RALGAPB: variants seen among roughly 807,000 people sequenced by gnomAD.
RALGAPB encodes Ral GTPase activating protein non-catalytic subunit beta, also known as ral GTPase-activating protein subunit beta.
RALGAPB carries 25 observed loss-of-function variants against 161.1 expected under a neutral mutation model. The observed-to-expected ratio is 0.16, with a 90% confidence interval of 0.11 to 0.22. The LOEUF (loss-of-function observed/expected upper bound fraction) is 0.22, where lower values mean the gene tolerates loss of function less well. Ranked by LOEUF, RALGAPB falls within the 10% of genes least tolerant of loss-of-function variation. The pLI is 1.00. For missense variants in RALGAPB, 1,391 were observed against 1,815.2 expected (o/e 0.77, Z 4.25); for synonymous variants, 629 against 626.1 (o/e 1.00, Z -0.07).
intron 18 of RALGAPB, among the ~76,000 whole-genome samples, chr20:38,545,834 G>A (rs1033155257): frequency 5.3e-5 from 8 of 152,136 alleles, no homozygotes; most frequent in African/African-American, 1.2e-4. Flanking sequence ...TTCTAAAATG[G>A]GATAGAGACG....
At chr20:38,548,600 G>A (rs2087254390) in intron 19 of RALGAPB, 89 bp from the exon 20 acceptor site, 2 of 1,040,662 alleles carry the variant, frequency 1.9e-6, no homozygotes, top group Admixed American at 4.4e-5. Flanking sequence ...TTGGGCCTTT[G>A]ATTATGAGAA....
chr20:38,517,640 A>T lies in RALGAPB; in HGVS notation c.1186A>T (p.Met396Leu). The T allele has an allele frequency of 6.2e-7, 1 of 1,613,986 alleles. No individual in the cohort carries two copies. The highest frequency in any genetic ancestry group is 8.5e-7 in the Non-Finnish European group (1 of 1,179,988). Residue 396 changes from methionine to leucine, a missense_variant, in exon 8 of 30, where the codon ATG (methionine) becomes TTG (leucine). Coordinates refer to ENST00000262879, the MANE Select transcript of RALGAPB (RefSeq NM_020336.4). ...GGCTGTTACTGTGAATAAGGCCACC[A>T]TGAAGACAAGCACAGTAAGAGTTTA... ...HRAVTVNKAT[M>L]KTSTVSTAHA...
At position 38,473,051 on chromosome 20, in the gene RALGAPB, G is replaced by A. The variant is rs1019468607; in HGVS notation, c.-49G>A. 1.7e-4 allele frequency: 64 copies of A among 378,062 alleles called. No homozygotes were observed. The highest frequency in any genetic ancestry group is 6.7e-4 in the Middle Eastern group (1 of 1,484). 23.4% of individuals were successfully genotyped at this position (378,062 alleles called of 1,614,324 possible). On this transcript the variant is annotated 5_prime_UTR_variant, in exon 1 of 30. Coordinates refer to ENST00000262879, the MANE Select transcript of RALGAPB (RefSeq NM_020336.4). ...GGCGGCGCCCGCCCCGGCGATGCGG[G>A]CCCCGCCCGTCGCCTCAGGTAACCG...
At chr20:38,552,512 T>C (rs2087413242) in intron 21 of RALGAPB, among the ~76,000 whole-genome samples, 1 of 152,098 alleles carries the variant, frequency 6.6e-6, no homozygotes. Flanking sequence ...TGCTTATAGA[T>C]TGAAAGGAAG....
intron 4 of RALGAPB, among the ~76,000 whole-genome samples, chr20:38,498,238 G>A (rs1470563307): frequency 6.6e-6 from 1 of 152,174 alleles, no homozygotes; most frequent in African/African-American, 2.4e-5. Context: ...TTGGAAGTGT[G>A]CCAGTTTGCT....
intron 3 of RALGAPB, among the ~76,000 whole-genome samples, chr20:38,496,147 C>G (rs893177429): frequency 6.6e-6 from 1 of 152,102 alleles, no homozygotes; most frequent in Non-Finnish European, 1.5e-5. Flanking sequence ...TGGAACATCT[C>G]CCCGCTCCTG....
At chr20:38,516,567 G>A (rs1448757372) in intron 7 of RALGAPB, 197 bp downstream of exon 7, 1 of 566,694 alleles carries the variant, frequency 1.8e-6, no homozygotes, top group Non-Finnish European at 2.8e-6. Flanking sequence ...TTAGATTGGT[G>A]CAAAAGTAAT....
At chr20:38,518,138 C>A in intron 9 of RALGAPB, 138 bp downstream of exon 9, 1 of 780,130 alleles carries the variant, frequency 1.3e-6, no homozygotes, top group African/African-American at 1.7e-5. Context: ...TTGTGCTTAA[C>A]CCCTTCCAGC....
intron 1 of RALGAPB, among the ~76,000 whole-genome samples, chr20:38,486,737 A>G (rs1385034292): frequency 6.6e-6 from 1 of 152,188 alleles, no homozygotes; most frequent in Non-Finnish European, 1.5e-5. Flanking sequence ...TATTTTTACT[A>G]GTAATTAGCT....
chr20:38,481,999 AC>A (rs2084984340), intron 1 of RALGAPB, among the ~76,000 whole-genome samples: 1 of 151,404 alleles, frequency 6.6e-6, no homozygotes, highest in African/African-American at 2.5e-5. Context: ...AGGAGCACTG[AC>A]CCTGTGCAAT....
chr20:38,535,159 C>T lies in RALGAPB; in HGVS notation c.2331C>T (p.Asp777=). Residue 777 remains aspartate, a synonymous_variant, in exon 16 of 30, where the codon GAC becomes GAT. Coordinates refer to ENST00000262879, the MANE Select transcript of RALGAPB (RefSeq NM_020336.4). ...GACTCAACTCCCAGTGGCGCCAAGACATGAGCATATCACTGGCAGCTCTAG... is the reference window on the plus strand; with the variant it reads ...GACTCAACTCCCAGTGGCGCCAAGATATGAGCATATCACTGGCAGCTCTAG... The part of the protein sequence containing the change: ...TQRLNSQWRQ[D]MSISLAALEL... The T allele has an allele frequency of 1.2e-6, 2 of 1,614,176 alleles. No individual in the cohort carries two copies. Among genetic ancestry groups the T allele is most frequent in the Non-Finnish European group, 1.7e-6 (2 of 1,179,986 alleles).
At chr20:38,492,824 A>G (rs1290310681) in intron 2 of RALGAPB, 106 bp from the exon 3 acceptor site, 1 of 853,108 alleles carries the variant, frequency 1.2e-6, no homozygotes, top group Non-Finnish European at 1.9e-6. Flanking sequence ...AGACGAATAT[A>G]CTGTCAATTT....
chr20:38,568,955 T>TAG (rs1203220314), intron 26 of RALGAPB: 1 of 152,068 alleles, frequency 6.6e-6, no homozygotes, highest in Non-Finnish European at 1.5e-5. Flanking sequence ...TGGAAGAAGT[T>TAG]AGAGAGAGAG....
chr20:38,530,838 A>G (rs1453854535), intron 13 of RALGAPB, among the ~76,000 whole-genome samples: 2 of 147,824 alleles, frequency 1.4e-5, no homozygotes, highest in Admixed American at 1.4e-4. Context: ...CTCCCGCCCC[A>G]CTTCGGCCAC....
chr20:38,512,573 A>G (rs1282474482), intron 6 of RALGAPB, among the ~76,000 whole-genome samples: 1 of 152,200 alleles, frequency 6.6e-6, no homozygotes, highest in Admixed American at 6.5e-5. Context: ...TCTGTATATT[A>G]TTTTACTGCA....
At chr20:38,474,282 C>G (rs1043289117) in intron 1 of RALGAPB, among the ~76,000 whole-genome samples, 1 of 152,034 alleles carries the variant, frequency 6.6e-6, no homozygotes, top group African/African-American at 2.4e-5. Flanking sequence ...TATACACACC[C>G]TTTTCTTTTC....
chr20:38,508,409 C>A (rs1568924159), intron 5 of RALGAPB, among the ~76,000 whole-genome samples: 1 of 151,992 alleles, frequency 6.6e-6, no homozygotes, highest in African/African-American at 2.4e-5. Context: ...CAAGGAAAAA[C>A]TTTAAGAATC....
In RALGAPB at chr20:38,497,404, C is replaced by T; in HGVS notation, c.441C>T (p.Ala147=). The change falls in exon 4 of 30, where the codon GCC becomes GCT. Residue 147 remains alanine (A), a synonymous_variant. Coordinates refer to ENST00000262879, the MANE Select transcript of RALGAPB (RefSeq NM_020336.4). ...GACTATGCTTACAGGTCCTGAGAGC[C>T]ATTCAGAAACTGGCCCGTGAGTCAT... ...QIRLCLQVLR[A]IQKLARESSL... is the part of the protein sequence containing the mutation. The T allele has an allele frequency of 6.2e-7, 1 of 1,614,028 alleles. No individual in the cohort carries two copies. Among genetic ancestry groups the T allele is most frequent in the African/African-American group, 1.3e-5 (1 of 75,020 alleles).
At position 38,548,391 on chromosome 20, in the gene RALGAPB, C is replaced by A. The variant is rs902122535; in HGVS notation, c.2903-298C>A. ...GTATGTGAGATGATCTTAGTTGATA[C>A]ATTAGTGAACATTATTTTATGTATT... On this transcript the variant is annotated intron_variant, in intron 19 of 29. Coordinates refer to ENST00000262879, the MANE Select transcript of RALGAPB (RefSeq NM_020336.4). Among the ~76,000 whole-genome samples the A allele has an allele frequency of 5.9e-5, 9 of 152,162 alleles. No individual in the cohort carries two copies. In the East Asian group the frequency reaches 1.7e-3, roughly 29 times the overall value.
Sources: allele counts gnomAD v4.1 joint callset (sites outside exome capture counted in the v4.1 genomes callset), GRCh38; gene constraint gnomAD v4.1.1; transcripts MANE v1.5; gene names NCBI Gene and HGNC (gene_info 2026-07-23, HGNC 2026-07-21).